The following PLCB4 variants were observed in gnomAD, a reference collection of about 807,000 sequenced individuals.
The protein encoded by PLCB4 is phospholipase C beta 4, also known as 1-phosphatidylinositol 4,5-bisphosphate phosphodiesterase beta-4.
In PLCB4, 77 loss-of-function variants were observed where a neutral mutation model predicts 178.8. The ratio of observed to expected loss-of-function variants is 0.43; its 90% CI spans 0.36 to 0.52. The LOEUF (loss-of-function observed/expected upper bound fraction) is 0.52. PLCB4 is among the 20% of genes least tolerant of loss of function. The pLI, the probability that PLCB4 is intolerant of heterozygous loss-of-function variation, is 0.00. For synonymous variants in PLCB4, 496 were observed against 490.8 expected (o/e 1.01, Z -0.14); for missense variants, 1,024 against 1,453.4 (o/e 0.70, Z 4.80).
chr20:9,257,263 T>C (rs1394703597), intron 3 of PLCB4, among the ~76,000 whole-genome samples: 1 of 152,226 alleles, frequency 6.6e-6, no homozygotes, highest in Non-Finnish European at 1.5e-5. Flanking sequence ...AACTGCATGA[T>C]TTTAATTGTG....
intron 25 of PLCB4, among the ~76,000 whole-genome samples, chr20:9,415,667 G>C (rs1169295400): frequency 6.6e-6 from 1 of 152,204 alleles, no homozygotes. Context: ...TCTGGAATGA[G>C]TTCATTTTCT....
At position 9,331,208 on chromosome 20, in the gene PLCB4, G is replaced by T. The variant is rs571224320; in HGVS notation, c.85-5918G>T. ...TTTCTTTCCCAGAAAACGCAGTTTT[G>T]TGATGGAATGTGAATGCCTACTCCA... is the stretch of plus-strand genomic sequence containing the variant. On this transcript the variant is annotated intron_variant, in intron 4 of 39. Transcript: ENST00000378473. Among the ~76,000 whole-genome samples the T allele has an allele frequency of 2.0e-3, 303 of 152,304 alleles. 1 individual carries two copies. The highest frequency in any genetic ancestry group is 6.7e-3 in the African/African-American group (277 of 41,554).
intron 3 of PLCB4, among the ~76,000 whole-genome samples, chr20:9,256,340 G>A (rs543023273): frequency 2.3e-4 from 35 of 152,276 alleles, no homozygotes; most frequent in African/African-American, 8.2e-4. Context: ...ATTGTCTCAT[G>A]GTTGCGAGAT....
chr20:9,342,170 G>A (rs55923657), intron 7 of PLCB4, among the ~76,000 whole-genome samples: 10,150 of 152,070 alleles, frequency 0.067, 361 homozygotes, highest in Middle Eastern at 0.095. Flanking sequence ...CATCACCACC[G>A]TTTTATTTCT....
chr20:9,409,052 T>A lies in PLCB4; in HGVS notation c.1875-5T>A. The A allele has an allele frequency of 6.2e-7, 1 of 1,608,942 alleles. No individual in the cohort carries two copies. Among genetic ancestry groups the A allele is most frequent in the Non-Finnish European group, 8.5e-7 (1 of 1,178,826 alleles). On this transcript the variant is annotated splice_polypyrimidine_tract_variant and splice_region_variant and intron_variant, in intron 23 of 39. Coordinates refer to ENST00000378473, the MANE Select transcript of PLCB4 (RefSeq NM_001377142.1). ...TTTTTTTCTGTTTTCCTTAATAAGT[T>A]ACAGTTATAACAAACGGCAAATGAG...
At chr20:9,169,307 C>T (rs774969603) in intron 2 of PLCB4, among the ~76,000 whole-genome samples, 40 of 151,836 alleles carry the variant, frequency 2.6e-4, no homozygotes, top group Middle Eastern at 6.8e-3. Flanking sequence ...CTTGAGTTCT[C>T]AATGTAAACA....
Position 9,290,148 on chromosome 20 carries a change from G to A in PLCB4, c.-15-17652G>A, listed in dbSNP as rs1360120097. ...TCTTGTAGCATTTTAGAATATGCTG[G>A]ATCAAACTTTATCCTTTCAGAAAAA... On this transcript the variant is annotated intron_variant, in intron 3 of 39. Transcript: ENST00000378473. 2.7e-5 allele frequency among the ~76,000 whole-genome samples: 4 copies of A among 147,416 alleles called. No homozygotes were observed. In the East Asian group the frequency reaches 6.0e-4, roughly 22 times the overall value.
chr20:9,258,764 G>A (rs935334661), intron 3 of PLCB4, among the ~76,000 whole-genome samples: 8 of 149,876 alleles, frequency 5.3e-5, no homozygotes, highest in African/African-American at 2.0e-4. Context: ...TAGAGGACAA[G>A]GGAATGACTT....
chr20:9,226,224 C>T (rs543899309), intron 3 of PLCB4, among the ~76,000 whole-genome samples: 38 of 152,240 alleles, frequency 2.5e-4, no homozygotes, highest in African/African-American at 8.9e-4. Context: ...AGGCAATCCT[C>T]CTGTGAAAAA....
intron 4 of PLCB4, among the ~76,000 whole-genome samples, chr20:9,323,534 A>G (rs752544264): frequency 4.9e-4 from 75 of 152,332 alleles, no homozygotes; most frequent in Non-Finnish European, 8.5e-4. Flanking sequence ...ACTGAAATTC[A>G]TTGATATTTC....
At chr20:9,145,505 A>G (rs6056428) in intron 2 of PLCB4, among the ~76,000 whole-genome samples, 131,453 of 151,562 alleles carry the variant, frequency 0.87, 57,216 homozygotes, top group East Asian at 1. Flanking sequence ...CAATTATCAA[A>G]GTTCTTTTTT....
chr20:9,190,669 A>G (rs779789353), intron 2 of PLCB4, among the ~76,000 whole-genome samples: 13 of 152,174 alleles, frequency 8.5e-5, no homozygotes, highest in Non-Finnish European at 1.9e-4. Context: ...GAAGGAGTCA[A>G]AAATAACTAC....
chr20:9,431,402 G>C (rs1010600799), intron 28 of PLCB4, among the ~76,000 whole-genome samples: 6 of 152,018 alleles, frequency 3.9e-5, no homozygotes, highest in African/African-American at 1.4e-4. Flanking sequence ...GAAGTTCTAG[G>C]TAGACAGGAG....
chr20:9,086,222 T>G (rs1019080346), intron 1 of PLCB4, among the ~76,000 whole-genome samples: 2 of 152,136 alleles, frequency 1.3e-5, no homozygotes, highest in Non-Finnish European at 2.9e-5. Context: ...TGAAAAAGGA[T>G]ATATGTTTCT....
chr20:9,420,816 T>C (rs981196137), intron 26 of PLCB4, among the ~76,000 whole-genome samples: 23 of 152,224 alleles, frequency 1.5e-4, no homozygotes, highest in African/African-American at 5.5e-4. Context: ...TATAAAACTG[T>C]CCTAGCTGAC....
intron 2 of PLCB4, among the ~76,000 whole-genome samples, chr20:9,132,676 T>C (rs567814364): frequency 5.9e-5 from 9 of 152,298 alleles, no homozygotes; most frequent in African/African-American, 1.9e-4. Context: ...ATTCTTCTAT[T>C]GGATTTATCG....
intron 26 of PLCB4, 128 bp downstream of exon 26, chr20:9,420,037 C>T: frequency 3.8e-6 from 2 of 521,394 alleles, no homozygotes; most frequent in African/African-American, 1.9e-5. Context: ...TAAGATTCCA[C>T]CCCCTTTTTA....
intron 3 of PLCB4, among the ~76,000 whole-genome samples, chr20:9,245,737 G>GTT (rs34271595): frequency 0.03 from 4,392 of 147,274 alleles, 89 homozygotes; most frequent in African/African-American, 0.058. Context: ...TATCTGGTGG[G>GTT]TTTTTTTTTT....
intron 3 of PLCB4, among the ~76,000 whole-genome samples, chr20:9,299,581 A>G (rs1398085842): frequency 6.6e-6 from 1 of 151,962 alleles, no homozygotes; most frequent in African/African-American, 2.4e-5. Flanking sequence ...TTTGCTTCAC[A>G]AGAGTTGTGA....
Sources: allele counts gnomAD v4.1 joint callset (sites outside exome capture counted in the v4.1 genomes callset), GRCh38; gene constraint gnomAD v4.1.1; transcripts MANE v1.5; gene names NCBI Gene and HGNC (gene_info 2026-07-23, HGNC 2026-07-21).